LHCGR: variants seen among roughly 807,000 people sequenced by gnomAD.
The protein encoded by LHCGR is luteinizing hormone/choriogonadotropin receptor.
A neutral mutation model predicts 60.7 loss-of-function variants in LHCGR; 55 were observed. The observed-to-expected ratio is 0.91, with a 90% CI of 0.73 to 1.13. The LOEUF (loss-of-function observed/expected upper bound fraction) is 1.13. LHCGR is among the 50% of genes most tolerant of loss of function. The pLI is 0.00. For missense variants in LHCGR, 862 were observed against 836.0 expected (o/e 1.03, Z -0.38); for synonymous variants, 337 against 316.5 (o/e 1.06, Z -0.69).
chr2:48,750,009 G>T (rs1017693700), intron 1 of LHCGR, among the ~76,000 whole-genome samples: 1 of 152,220 alleles, frequency 6.6e-6, no homozygotes, highest in Non-Finnish European at 1.5e-5. Context: ...ATGGCTGGGA[G>T]AGCTGAGTCA....
At chr2:48,752,731 C>G (rs1313797161) in intron 1 of LHCGR, among the ~76,000 whole-genome samples, 1 of 151,908 alleles carries the variant, frequency 6.6e-6, no homozygotes, top group East Asian at 1.9e-4. Context: ...ACTTCTTATT[C>G]TTTCTAAGGT....
chr2:48,715,140 C>T (rs535782179), intron 6 of LHCGR, among the ~76,000 whole-genome samples: 1 of 152,092 alleles, frequency 6.6e-6, no homozygotes, highest in African/African-American at 2.4e-5. Flanking sequence ...CCTACTTTCC[C>T]TATACTCCTT....
In LHCGR at chr2:48,742,536, T is replaced by A. The variant is rs1413580475; in HGVS notation, c.162-11238A>T. 8.6e-5 allele frequency among the ~76,000 whole-genome samples: 13 copies of A among 151,778 alleles called. No individual in the cohort carries two copies. In the South Asian group the frequency reaches 2.1e-3, roughly 24 times the overall value. On this transcript the variant is annotated intron_variant, in intron 1 of 10. Transcript: ENST00000294954. ...TCAAACTAGAACTCAGGATTAAGAA[T>A]CTCACTCAAAACCGCTCAACTACAT...
intron 1 of LHCGR, chr2:48,732,974 A>T: frequency 1.9e-6 from 1 of 532,576 alleles, no homozygotes; most frequent in Middle Eastern, 3.2e-4. Context: ...GTGGGAAGAA[A>T]TCTTCTTGTG....
intron 10 of LHCGR, among the ~76,000 whole-genome samples, chr2:48,691,987 A>G (rs1431550673): frequency 2.0e-5 from 3 of 152,178 alleles, no homozygotes; most frequent in Admixed American, 6.5e-5. Flanking sequence ...TGAGGTCTTC[A>G]TAATCACAGT....
At chr2:48,732,684 G>T (rs1277599664) in intron 1 of LHCGR, among the ~76,000 whole-genome samples, 1 of 152,058 alleles carries the variant, frequency 6.6e-6, no homozygotes, top group Non-Finnish European at 1.5e-5. Flanking sequence ...CAAGGTGGAG[G>T]GACAGACATT....
intron 1 of LHCGR, among the ~76,000 whole-genome samples, chr2:48,748,238 A>G (rs1186519544): frequency 6.6e-6 from 1 of 152,154 alleles, no homozygotes; most frequent in Non-Finnish European, 1.5e-5. Context: ...CAGAGATGGT[A>G]TCTTTGGATC....
intron 1 of LHCGR, 152 bp from the exon 2 acceptor site, chr2:48,731,450 C>A: frequency 1.6e-6 from 1 of 642,572 alleles, no homozygotes; most frequent in Admixed American, 2.4e-5. Flanking sequence ...TAACTTAAAT[C>A]AATGAAGAGA....
At position 48,688,965 on chromosome 2, in the gene LHCGR, A is replaced by T; in HGVS notation, c.948-116T>A. On this transcript the variant is annotated intron_variant, in intron 10 of 10. Transcript: ENST00000294954. The surrounding 1 kb of genome is among the most constrained non-coding windows in gnomAD (Gnocchi z 5.2). ...AAGGAAACAAAGCCATAATAGCCTCAGCCTTACATTTATTTGTTAAATTAT... is the reference window on the plus strand; with the variant it reads ...AAGGAAACAAAGCCATAATAGCCTCTGCCTTACATTTATTTGTTAAATTAT... The T allele has an allele frequency of 1.1e-6, 1 of 881,010 alleles. No individual in the cohort carries two copies. The highest frequency in any genetic ancestry group is 1.8e-6 in the Non-Finnish European group (1 of 559,856). The allele number at this position is 881,010 out of a possible 1,614,324, so 54.6% of individuals were successfully genotyped here. A position where few individuals can be genotyped will look rare whatever the true frequency, so the allele number is the denominator to read the frequency against.
chr2:48,691,111 T>C (rs1401934144), intron 10 of LHCGR, among the ~76,000 whole-genome samples: 4 of 152,260 alleles, frequency 2.6e-5, no homozygotes, highest in Non-Finnish European at 5.9e-5. Flanking sequence ...TCAAGGCCAT[T>C]ACATATATGT....
chr2:48,693,249 C>T (rs1468162785), intron 10 of LHCGR, among the ~76,000 whole-genome samples: 1 of 152,124 alleles, frequency 6.6e-6, no homozygotes, highest in Non-Finnish European at 1.5e-5. Context: ...CTTATTTACC[C>T]TTGGTGTTGT....
intron 6 of LHCGR, chr2:48,719,918 A>G (rs1253532887): frequency 6.6e-6 from 1 of 152,232 alleles, no homozygotes; most frequent in South Asian, 2.1e-4. Context: ...AGGCTGCTCC[A>G]CACGATCCTT....
At chr2:48,746,638 C>A (rs1048133545) in intron 1 of LHCGR, among the ~76,000 whole-genome samples, 12 of 152,100 alleles carry the variant, frequency 7.9e-5, no homozygotes, top group African/African-American at 2.9e-4. Flanking sequence ...TAAGAAGATT[C>A]CTGGATAATG....
rs1669276355 is a variant in LHCGR at position 48,738,040 on chromosome 2, ACT to A, written c.162-6744_162-6743del. On this transcript the variant is annotated intron_variant, in intron 1 of 10. Coordinates refer to ENST00000294954, the MANE Select transcript of LHCGR (RefSeq NM_000233.4). ...TGTTCATTTGGATGTTTGTCGATACACTCTACTACATGATCCTCTGCTTTTTG... is the reference window on the plus strand; with the variant it reads ...TGTTCATTTGGATGTTTGTCGATACACTACTACATGATCCTCTGCTTTTTG... Among the ~76,000 whole-genome samples the A allele has an allele frequency of 3.3e-5, 5 of 152,192 alleles. No homozygotes were observed. In the South Asian group the frequency reaches 1.0e-3, roughly 32 times the overall value.
chr2:48,755,590 C>A lies in LHCGR; in HGVS notation c.82G>T (p.Ala28Ser). The change falls in exon 1 of 11, where the codon GCG becomes TCG. Residue 28 changes from alanine (A) to serine (S), a missense_variant. Ala to Ser is a moderately conservative substitution (Grantham distance 99). Transcript: ENST00000294954. Reference protein sequence around the residue: ...QPPLPRALREALCPEPCNCVP... With the variant: ...QPPLPRALRESLCPEPCNCVP... ...CAGTTGCAGGGCTCAGGGCAGAGCG[C>A]CTCGCGCAGCGCTCGTGGCAGCGGC... 1.3e-6 allele frequency: 2 copies of A among 1,538,024 alleles called. No individual in the cohort carries two copies. Among genetic ancestry groups the A allele is most frequent in the Admixed American group, 2.0e-5 (1 of 50,874 alleles).
At chr2:48,753,585 G>A (rs1426945987) in intron 1 of LHCGR, among the ~76,000 whole-genome samples, 1 of 152,168 alleles carries the variant, frequency 6.6e-6, no homozygotes, top group Non-Finnish European at 1.5e-5. Context: ...TAGGATTCTT[G>A]AAACCCTGCT....
intron 1 of LHCGR, among the ~76,000 whole-genome samples, chr2:48,731,679 A>T (rs566247723): frequency 3.9e-4 from 59 of 152,302 alleles, no homozygotes; most frequent in African/African-American, 1.3e-3. Flanking sequence ...ATAATTAATC[A>T]GGATAATCCA....
intron 6 of LHCGR, among the ~76,000 whole-genome samples, chr2:48,721,954 A>G (rs1322367297): frequency 6.6e-6 from 1 of 152,144 alleles, no homozygotes; most frequent in South Asian, 2.1e-4. Context: ...GATGGAGACA[A>G]TCCTGTCCAA....
chr2:48,696,051 C>T (rs945829488), intron 9 of LHCGR, among the ~76,000 whole-genome samples: 1 of 150,390 alleles, frequency 6.6e-6, no homozygotes, highest in Non-Finnish European at 1.5e-5. Context: ...AGGAGGTCTA[C>T]AGAAAAAAAA....
Sources: gnomAD v4.1 joint callset for allele counts (sites outside exome capture counted in the v4.1 genomes callset) on GRCh38, gnomAD v4.1.1 for gene constraint, Gnocchi (gnomAD v3.1) non-coding constraint, MANE v1.5 for transcripts, NCBI Gene and HGNC (gene_info 2026-07-23, HGNC 2026-07-21) for gene names.